Variants in ABCA9 observed in about 807,000 individuals in gnomAD.
The protein encoded by ABCA9 is ATP-binding cassette sub-family A member 9.
ABCA9 carries 183 observed loss-of-function variants against 205.3 expected under a neutral mutation model. That is an observed-to-expected ratio of 0.89 (90% CI 0.79 to 1.01). ABCA9 has a LOEUF of 1.01. ABCA9 is among the 50% of genes least tolerant of loss of function. The probability of loss-of-function intolerance (pLI) is 0.00; values close to 1 mark genes in which losing one functional copy is unlikely to be tolerated. For synonymous variants in ABCA9, 651 were observed against 683.3 expected (o/e 0.95, Z 0.74); for missense variants, 1,805 against 1,912.4 (o/e 0.94, Z 1.05).
chr17:69,016,800 AG>A (rs915408156), intron 21 of ABCA9, among the ~76,000 whole-genome samples: 5 of 152,072 alleles, frequency 3.3e-5, no homozygotes, highest in African/African-American at 1.2e-4. Flanking sequence ...TTGTAATGAA[AG>A]TATAGGTTTT....
rs1266549448 is a variant in ABCA9, at chr17:68,979,770, T to A, written c.4720+2792A>T. Reference sequence around the variant, plus strand: ...AACTGGATCCCTTCCTTACACCTTATACAAAAATTAATTCAAGATGGATTA... The same window carrying A: ...AACTGGATCCCTTCCTTACACCTTAAACAAAAATTAATTCAAGATGGATTA... On this transcript the variant is annotated intron_variant, in intron 37 of 38. Transcript: ENST00000340001. 2.0e-5 allele frequency among the ~76,000 whole-genome samples: 3 copies of A among 152,144 alleles called. No individual in the cohort carries two copies. The East Asian group carries it at 5.8e-4, about 29-fold the overall frequency.
At chr17:68,995,227 G>A (rs927092899) in intron 26 of ABCA9, among the ~76,000 whole-genome samples, 15 of 152,016 alleles carry the variant, frequency 9.9e-5, no homozygotes, top group African/African-American at 1.9e-4. Flanking sequence ...CCTTATGAGC[G>A]TCTGAGAAGA....
At chr17:69,035,203 T>A (rs2144389104) in intron 8 of ABCA9, 43 bp downstream of exon 8, 1 of 1,427,906 alleles carries the variant, frequency 7.0e-7, no homozygotes, top group Non-Finnish European at 9.3e-7. Context: ...GGAATCTGTG[T>A]AGAACGGTTT....
Position 69,045,188 on chromosome 17 carries a change from C to T in ABCA9, c.453G>A (p.Glu151=). 1 of 1,612,486 alleles carries T rather than the reference C, an allele frequency of 6.2e-7. No individual in the cohort carries two copies. The change falls in exon 4 of 39, where the codon GAG becomes GAA. Residue 151 remains glutamate, a synonymous_variant. Coordinates refer to ENST00000340001, the MANE Select transcript of ABCA9 (RefSeq NM_080283.4). ...AAAAGTTACCTGAATGGTCTCTGTG[C>T]TCTTTCATCATGGGGATTCTATGTC... The part of the protein sequence containing the change: ...SWGHRIPMMK[E]HRDHSAHCQA...
intron 32 of ABCA9, 96 bp downstream of exon 32, chr17:68,986,068 G>A (rs2069227395): frequency 7.9e-7 from 1 of 1,265,550 alleles, no homozygotes; most frequent in Non-Finnish European, 1.1e-6. Context: ...ACAAGCATGG[G>A]GTCATCAATT....
intron 25 of ABCA9, among the ~76,000 whole-genome samples, chr17:69,000,764 G>A (rs1475178894): frequency 6.6e-6 from 1 of 151,098 alleles, no homozygotes. Context: ...CATGAGCATG[G>A]AATGTTCTTC....
At chr17:68,989,789 A>G in intron 30 of ABCA9, 24 bp downstream of exon 30, 2 of 1,319,024 alleles carry the variant, frequency 1.5e-6, no homozygotes, top group Non-Finnish European at 2.2e-6. Context: ...AGATTGCTCT[A>G]CTAATGGAAC....
intron 6 of ABCA9, among the ~76,000 whole-genome samples, chr17:69,036,710 G>A (rs1483682354): frequency 6.6e-6 from 1 of 151,506 alleles, no homozygotes; most frequent in African/African-American, 2.4e-5. Context: ...TGGGCTAAAT[G>A]CCCCAATTAA....
intron 36 of ABCA9, among the ~76,000 whole-genome samples, chr17:68,983,045 C>T (rs1167144627): frequency 8.6e-5 from 13 of 152,038 alleles, no homozygotes; most frequent in Admixed American, 5.2e-4. Context: ...GCAACAATAT[C>T]GTCAACAATC....
intron 25 of ABCA9, among the ~76,000 whole-genome samples, chr17:69,004,429 T>C (rs1299300274): frequency 6.6e-6 from 1 of 152,034 alleles, no homozygotes; most frequent in African/African-American, 2.4e-5. Context: ...GTTAGGCTGC[T>C]CAGGGGTCAG....
chr17:69,061,176 T>C (rs1668286803), upstream of ABCA9: 14 of 983,892 alleles, frequency 1.4e-5, no homozygotes, highest in Non-Finnish European at 1.7e-5. Flanking sequence ...CATTAGGAAC[T>C]ATCAAACCAA....
At chr17:69,022,047 T>A (rs1174506952) in intron 17 of ABCA9, 186 bp from the exon 18 acceptor site, 1 of 355,016 alleles carries the variant, frequency 2.8e-6, no homozygotes, top group Admixed American at 4.8e-5. Flanking sequence ...GAGATCAAAG[T>A]CTAATCTAAA....
chr17:69,001,954 G>A (rs9675069), intron 25 of ABCA9, among the ~76,000 whole-genome samples: 12,966 of 149,408 alleles, frequency 0.087, 801 homozygotes, highest in African/African-American at 0.23. Context: ...CTGTGGGATC[G>A]GTGGTGATAT....
Position 68,982,556 on chromosome 17 carries a change from T to C in ABCA9, c.4720+6A>G. 6.2e-7 allele frequency: 1 copy of C among 1,611,280 alleles called. No individual in the cohort carries two copies. ...CAGAGTTTTGTCTCTAAACAGTCAC[T>C]CTTACCTATCTCTAATTTGAAGAAA... On this transcript the variant is annotated splice_donor_region_variant and intron_variant, in intron 37 of 38. Coordinates refer to ENST00000340001, the MANE Select transcript of ABCA9 (RefSeq NM_080283.4).
intron 6 of ABCA9, chr17:69,043,007 C>A (rs2071593426): frequency 6.2e-6 from 1 of 161,604 alleles, no homozygotes; most frequent in Non-Finnish European, 1.3e-5. Flanking sequence ...ATACAACTTA[C>A]CATAATGTAG....
At chr17:69,005,448 T>G (rs1056040194) in intron 25 of ABCA9, among the ~76,000 whole-genome samples, 2 of 152,228 alleles carry the variant, frequency 1.3e-5, no homozygotes, top group African/African-American at 4.8e-5. Context: ...TGAAGCATTC[T>G]TCTCTCAAGG....
chr17:68,983,877 G>C, intron 35 of ABCA9, 28 bp from the exon 36 acceptor site: 1 of 1,613,834 alleles, frequency 6.2e-7, no homozygotes, highest in South Asian at 1.1e-5. Flanking sequence ...ATAAAGTCAA[G>C]CAAGAAAAGA....
At chr17:69,065,816 G>C (rs1248910147), upstream of ABCA9, among the ~76,000 whole-genome samples, 1 of 152,152 alleles carries the variant, frequency 6.6e-6, no homozygotes, top group Non-Finnish European at 1.5e-5. Context: ...GAGGGACCTT[G>C]TGGGAGGTAA....
Position 69,026,902 on chromosome 17 carries a change from G to A in ABCA9, c.2050+74C>T, listed in dbSNP as rs1051754706. The A allele has an allele frequency of 5.2e-5, 80 of 1,536,034 alleles. No individual in the cohort carries two copies. The Admixed American group carries it at 7.3e-4, about 14-fold the overall frequency. ...ATGGCAGTTCCAGGGAGACACAGCT[G>A]TGGAGCATACCTGTTCATATTCCAC... is the stretch of plus-strand genomic sequence containing the variant. On this transcript the variant is annotated intron_variant, in intron 15 of 38. Coordinates refer to ENST00000340001, the MANE Select transcript of ABCA9 (RefSeq NM_080283.4).
Sources: gnomAD v4.1 joint callset for allele counts (sites outside exome capture counted in the v4.1 genomes callset) on GRCh38, gnomAD v4.1.1 for gene constraint, MANE v1.5 for transcripts, NCBI Gene and HGNC (gene_info 2026-07-23, HGNC 2026-07-21) for gene names.